GRM8: variants seen among roughly 807,000 people sequenced by gnomAD.
GRM8 encodes the protein metabotropic glutamate receptor 8.
GRM8 carries 47 observed loss-of-function variants against 87.2 expected under a neutral mutation model. The ratio of observed to expected loss-of-function variants is 0.54; its 90% CI spans 0.43 to 0.69. The LOEUF (loss-of-function observed/expected upper bound fraction) is 0.69. GRM8 is among the 30% of genes least tolerant of loss of function. The probability of loss-of-function intolerance (pLI) is 0.00; values close to 1 mark genes in which losing one functional copy is unlikely to be tolerated. For missense variants in GRM8, 1,019 were observed against 1,139.2 expected, an observed-to-expected ratio of 0.89 and a Z score of 1.52; for synonymous variants, 396 against 404.5, an observed-to-expected ratio of 0.98 and a Z score of 0.25.
intron 6 of GRM8, among the ~76,000 whole-genome samples, chr7:126,793,305 ATAAGAGAAGGTT>A (rs1821570251): frequency 6.6e-6 from 1 of 152,180 alleles, no homozygotes; most frequent in Admixed American, 6.5e-5. Flanking sequence ...GTTTGCTGTA[ATAAGAGAAGGTT>A]ATGATAGAGT....
chr7:126,737,436 A>G lies in GRM8; in HGVS notation c.1357+32429T>C, dbSNP rs564882135. ...AAAACTCTGATCCCCGAATGCTCAG[A>G]GAGACTGATTTGGGTGGTAATAAAA... On this transcript the variant is annotated intron_variant, in intron 7 of 10. Transcript: ENST00000339582. 2.9e-4 allele frequency among the ~76,000 whole-genome samples: 44 copies of G among 152,102 alleles called. 1 individual carries two copies. Among genetic ancestry groups the G allele is most frequent in the Middle Eastern group, 6.8e-3 (2 of 294 alleles).
At position 126,453,110 on chromosome 7, in the gene GRM8, CACAT is replaced by C. The variant is rs1307547701; in HGVS notation, c.2431-6742_2431-6739del. 7.9e-4 allele frequency among the ~76,000 whole-genome samples: 108 copies of C among 136,312 alleles called. 1 individual carries two copies. Among genetic ancestry groups the C allele is most frequent in the African/African-American group, 2.9e-3 (91 of 31,778 alleles). The allele number at this position is 136,312 out of a possible 152,430, so 89.4% of individuals were successfully genotyped here. On this transcript the variant is annotated intron_variant, in intron 9 of 10. Coordinates refer to ENST00000339582, the MANE Select transcript of GRM8 (RefSeq NM_000845.3). ...ACACACACACACACACACACACACA[CACAT>C]ACAAGCAAAATGGTTTATTCATAAG...
At position 126,438,935 on chromosome 7, in the gene GRM8, G is replaced by A. The variant is rs530496589; in HGVS notation, c.*184C>T. ...ACTCATTGGTTTTATTGTATAAAAC[G>A]GGTTTCTTCACTCCCCGTTTATTGA... On this transcript the variant is annotated 3_prime_UTR_variant, in exon 11 of 11. Coordinates refer to ENST00000339582, the MANE Select transcript of GRM8 (RefSeq NM_000845.3). The A allele has an allele frequency of 5.9e-4, 315 of 534,422 alleles. 2 individuals are homozygous for A. Among genetic ancestry groups the A allele is most frequent in the African/African-American group, 5.2e-3 (273 of 52,610 alleles). The allele number at this position is 534,422 out of a possible 1,614,324, so 33.1% of individuals were successfully genotyped here. A position where few individuals can be genotyped will look rare whatever the true frequency, so the allele number is the denominator to read the frequency against.
At chr7:126,479,166 A>G (rs1806359979) in intron 9 of GRM8, among the ~76,000 whole-genome samples, 1 of 152,104 alleles carries the variant, frequency 6.6e-6, no homozygotes, top group Non-Finnish European at 1.5e-5. Context: ...AAATGATCCT[A>G]ATCTTGTGTT....
intron 6 of GRM8, among the ~76,000 whole-genome samples, chr7:126,881,598 G>C (rs1482743351): frequency 6.6e-6 from 1 of 152,178 alleles, no homozygotes; most frequent in Non-Finnish European, 1.5e-5. Flanking sequence ...ATGGCAAATG[G>C]AGAACAATTT....
intron 2 of GRM8, among the ~76,000 whole-genome samples, chr7:127,194,795 C>T (rs1445004922): frequency 2.0e-5 from 3 of 152,104 alleles, no homozygotes; most frequent in Admixed American, 6.5e-5. Flanking sequence ...GTCACACTTA[C>T]ATAGGAAAAT....
At chr7:126,620,633 C>T (rs1486854571) in intron 7 of GRM8, among the ~76,000 whole-genome samples, 1 of 152,014 alleles carries the variant, frequency 6.6e-6, no homozygotes, top group Non-Finnish European at 1.5e-5. Flanking sequence ...GTAAGTTACC[C>T]TCCTTAAGCC....
chr7:126,729,041 C>G (rs979043752), intron 7 of GRM8, among the ~76,000 whole-genome samples: 3 of 152,150 alleles, frequency 2.0e-5, no homozygotes, highest in Admixed American at 1.3e-4. Context: ...TTTCTCCTCA[C>G]CCTGCCATAA....
chr7:127,201,574 A>G (rs1373857955), intron 2 of GRM8, among the ~76,000 whole-genome samples: 1 of 152,246 alleles, frequency 6.6e-6, no homozygotes, highest in African/African-American at 2.4e-5. Context: ...GCCACTTAAC[A>G]TGACACATAC....
chr7:126,592,069 T>G (rs2151045415), intron 8 of GRM8, among the ~76,000 whole-genome samples: 1 of 151,518 alleles, frequency 6.6e-6, no homozygotes, highest in Admixed American at 6.6e-5. Flanking sequence ...ATAGAAAATC[T>G]TAGCAGACCA....
At chr7:126,963,968 A>G (rs1809578214) in intron 3 of GRM8, among the ~76,000 whole-genome samples, 1 of 152,204 alleles carries the variant, frequency 6.6e-6, no homozygotes, top group African/African-American at 2.4e-5. Context: ...TAAAACAGAT[A>G]TATAGACCAA....
chr7:126,806,268 C>G (rs1449059691), intron 6 of GRM8, among the ~76,000 whole-genome samples: 2 of 152,088 alleles, frequency 1.3e-5, no homozygotes, highest in East Asian at 3.9e-4. Context: ...GGCGGCGCAT[C>G]TGGAGTTGTT....
chr7:126,730,943 G>A (rs541533216), intron 7 of GRM8, among the ~76,000 whole-genome samples: 3 of 151,874 alleles, frequency 2.0e-5, no homozygotes, highest in East Asian at 1.9e-4. Flanking sequence ...CTCTTTTCTC[G>A]AATATAATTG....
chr7:126,657,528 A>G (rs574795520), intron 7 of GRM8, among the ~76,000 whole-genome samples: 1 of 152,354 alleles, frequency 6.6e-6, no homozygotes, highest in South Asian at 2.1e-4. Flanking sequence ...AGGGCAATCA[A>G]TGCTTTAGGA....
intron 3 of GRM8, among the ~76,000 whole-genome samples, chr7:127,077,893 A>G (rs1369406074): frequency 1.3e-5 from 2 of 152,186 alleles, no homozygotes; most frequent in East Asian, 1.9e-4. Flanking sequence ...ACATTTAACA[A>G]TATCTCAAGA....
intron 8 of GRM8, among the ~76,000 whole-genome samples, chr7:126,563,289 T>G (rs59689022): frequency 1.4e-5 from 2 of 142,830 alleles, no homozygotes; most frequent in Admixed American, 1.3e-4. Flanking sequence ...TGCCCTGTGG[T>G]TTTTTTTTAA....
chr7:126,700,174 G>T (rs780729010), intron 7 of GRM8, among the ~76,000 whole-genome samples: 2 of 151,902 alleles, frequency 1.3e-5, no homozygotes, highest in Non-Finnish European at 2.9e-5. Context: ...GTCTAAGATT[G>T]GTATAGAACA....
At chr7:126,813,313 T>C (rs1027446732) in intron 6 of GRM8, among the ~76,000 whole-genome samples, 6 of 152,026 alleles carry the variant, frequency 3.9e-5, no homozygotes, top group Admixed American at 1.3e-4. Flanking sequence ...TGAGCCTAAT[T>C]AAACTCTCAA....
intron 7 of GRM8, among the ~76,000 whole-genome samples, chr7:126,767,129 G>T (rs910188694): frequency 6.6e-6 from 1 of 152,064 alleles, no homozygotes; most frequent in African/African-American, 2.4e-5. Flanking sequence ...TTCTGAGTAG[G>T]ATATTTTTGA....
Sources: allele counts gnomAD v4.1 joint callset (sites outside exome capture counted in the v4.1 genomes callset), GRCh38; gene constraint gnomAD v4.1.1; transcripts MANE v1.5; gene names NCBI Gene and HGNC (gene_info 2026-07-23, HGNC 2026-07-21).